MACROD2: variants seen among roughly 807,000 people sequenced by gnomAD.
MACROD2 encodes ADP-ribose glycohydrolase MACROD2.
Under a neutral mutation model 70.4 loss-of-function variants are expected in MACROD2, and 36 were observed. That is an observed-to-expected ratio of 0.51 (90% CI 0.39 to 0.68). MACROD2 has a LOEUF of 0.68. MACROD2 is among the 30% of genes least tolerant of loss of function. The pLI is 0.00. For synonymous variants in MACROD2, 172 were observed against 178.8 expected, an observed-to-expected ratio of 0.96 and a Z score of 0.30; for missense variants, 496 against 538.4, an observed-to-expected ratio of 0.92 and a Z score of 0.78.
At chr20:14,479,640 TAC>T (rs1241687414) in intron 3 of MACROD2, among the ~76,000 whole-genome samples, 2 of 152,178 alleles carry the variant, frequency 1.3e-5, no homozygotes, top group Non-Finnish European at 2.9e-5. Context: ...CTCCAGCGTT[TAC>T]AGTTGTATTT....
chr20:14,372,848 T>C (rs994113187), intron 3 of MACROD2, among the ~76,000 whole-genome samples: 4 of 152,200 alleles, frequency 2.6e-5, no homozygotes, highest in African/African-American at 7.2e-5. Flanking sequence ...AAAGATTTCA[T>C]TGGTTCTGTT....
At chr20:15,523,361 T>C (rs916501697) in intron 8 of MACROD2, among the ~76,000 whole-genome samples, 1 of 152,214 alleles carries the variant, frequency 6.6e-6, no homozygotes, top group Non-Finnish European at 1.5e-5. Flanking sequence ...ATCACAGTTT[T>C]AGAAATTTTA....
chr20:14,076,665 C>T (rs564344985), intron 2 of MACROD2, among the ~76,000 whole-genome samples: 4 of 151,944 alleles, frequency 2.6e-5, no homozygotes, highest in Non-Finnish European at 5.9e-5. Flanking sequence ...GGTGACAGAG[C>T]GAGACCTTGC....
intron 5 of MACROD2, among the ~76,000 whole-genome samples, chr20:15,185,883 G>T (rs1014754333): frequency 3.5e-4 from 54 of 152,116 alleles, no homozygotes; most frequent in African/African-American, 1.3e-3. Flanking sequence ...TCAAACTCCT[G>T]TCGGGAATTT....
intron 3 of MACROD2, among the ~76,000 whole-genome samples, chr20:14,102,219 G>C (rs2054310753): frequency 6.6e-6 from 1 of 151,586 alleles, no homozygotes; most frequent in African/African-American, 2.4e-5. Context: ...AACCAGGATG[G>C]TCTCAATCTC....
At chr20:15,369,512 T>C (rs2045461256) in intron 6 of MACROD2, among the ~76,000 whole-genome samples, 2 of 152,178 alleles carry the variant, frequency 1.3e-5, no homozygotes, top group South Asian at 2.1e-4. Context: ...AACAAAAAAG[T>C]CTAGTGTATG....
intron 2 of MACROD2, among the ~76,000 whole-genome samples, chr20:14,070,083 T>G (rs1294308185): frequency 6.6e-6 from 1 of 152,004 alleles, no homozygotes; most frequent in Non-Finnish European, 1.5e-5. Flanking sequence ...AACCACAAGC[T>G]AATGAGCAAT....
At chr20:15,081,268 A>G (rs189517288) in intron 5 of MACROD2, among the ~76,000 whole-genome samples, 2 of 152,334 alleles carry the variant, frequency 1.3e-5, no homozygotes, top group Admixed American at 1.3e-4. Context: ...ATTTGTTTAC[A>G]TGTTGTCTAT....
Position 15,925,715 on chromosome 20 carries a change from A to C in MACROD2, c.776-7561A>C, listed in dbSNP as rs550743368. On this transcript the variant is annotated intron_variant, in intron 10 of 17. Transcript: ENST00000684519. ...AAGGCCCAGTGGCACCTACAGTTTC[A>C]TGCATTTCGTCTCTTTGAACACGTG... is the stretch of plus-strand genomic sequence containing the variant. Among the ~76,000 whole-genome samples the C allele has an allele frequency of 4.6e-5, 7 of 152,272 alleles. No homozygotes were observed. The East Asian group carries it at 1.3e-3, about 29-fold the overall frequency.
At chr20:15,610,268 A>G (rs948790143) in intron 8 of MACROD2, among the ~76,000 whole-genome samples, 1 of 152,148 alleles carries the variant, frequency 6.6e-6, no homozygotes, top group African/African-American at 2.4e-5. Flanking sequence ...GAGCACCACA[A>G]ACTGCAAGGC....
At chr20:15,095,372 G>T (rs1443418115) in intron 5 of MACROD2, among the ~76,000 whole-genome samples, 1 of 151,756 alleles carries the variant, frequency 6.6e-6, no homozygotes, top group Non-Finnish European at 1.5e-5. Context: ...ACCACGCCCG[G>T]CCTGCTGTGG....
intron 10 of MACROD2, among the ~76,000 whole-genome samples, chr20:15,895,985 T>C (rs970305097): frequency 1.3e-5 from 2 of 152,238 alleles, no homozygotes; most frequent in East Asian, 1.9e-4. Flanking sequence ...AATTCATGCA[T>C]TGTACTCTTG....
At chr20:15,182,190 TC>T (rs918668231) in intron 5 of MACROD2, among the ~76,000 whole-genome samples, 17 of 152,182 alleles carry the variant, frequency 1.1e-4, no homozygotes, top group African/African-American at 2.4e-5. Flanking sequence ...CTTTTCATAT[TC>T]CTAAGCTGTC....
intron 5 of MACROD2, among the ~76,000 whole-genome samples, chr20:15,229,736 C>A (rs1311140788): frequency 1.3e-5 from 2 of 152,172 alleles, no homozygotes; most frequent in African/African-American, 2.4e-5. Context: ...TCACAATTAT[C>A]ATTTTCCTGG....
chr20:15,998,525 T>C (rs927739555), intron 15 of MACROD2, among the ~76,000 whole-genome samples: 1 of 151,928 alleles, frequency 6.6e-6, no homozygotes, highest in African/African-American at 2.4e-5. Flanking sequence ...ACTTGTGACA[T>C]CACTGTTTCA....
At chr20:14,939,204 T>C (rs897061648) in intron 5 of MACROD2, among the ~76,000 whole-genome samples, 15 of 152,220 alleles carry the variant, frequency 9.9e-5, no homozygotes, top group Non-Finnish European at 2.1e-4. Context: ...CAAAGTTTTC[T>C]TCTAGTACTT....
chr20:15,567,878 A>G (rs141674829), intron 8 of MACROD2, among the ~76,000 whole-genome samples: 2 of 152,222 alleles, frequency 1.3e-5, no homozygotes, highest in African/African-American at 2.4e-5. Flanking sequence ...TGCCTTTAAG[A>G]AGAAGCTGGA....
At chr20:14,307,938 G>A (rs971155628) in intron 3 of MACROD2, among the ~76,000 whole-genome samples, 1 of 152,122 alleles carries the variant, frequency 6.6e-6, no homozygotes, top group Non-Finnish European at 1.5e-5. Context: ...AAAGTTGATT[G>A]TGTTCATCTG....
At chr20:14,657,196 A>G (rs1986019129) in intron 4 of MACROD2, among the ~76,000 whole-genome samples, 1 of 152,258 alleles carries the variant, frequency 6.6e-6, no homozygotes, top group African/African-American at 2.4e-5. Flanking sequence ...CAAAATCATT[A>G]CAAAATATAA....
Sources: allele counts gnomAD v4.1 joint callset (sites outside exome capture counted in the v4.1 genomes callset), GRCh38; gene constraint gnomAD v4.1.1; transcripts MANE v1.5; gene names NCBI Gene and HGNC (gene_info 2026-07-23, HGNC 2026-07-21).